The following CACNA1C variants were observed in gnomAD, a reference collection of about 807,000 sequenced individuals.
The protein encoded by CACNA1C is voltage-dependent L-type calcium channel subunit alpha-1C.
In CACNA1C, 30 loss-of-function variants were observed where a neutral mutation model predicts 229.0. The observed-to-expected ratio is 0.13, with a 90% CI of 0.10 to 0.18. The LOEUF (loss-of-function observed/expected upper bound fraction) is 0.18. CACNA1C is among the 10% of genes least tolerant of loss of function. The pLI is 1.00. For synonymous variants in CACNA1C, 1,114 were observed against 1,132.5 expected, an observed-to-expected ratio of 0.98 and a Z score of 0.33; for missense variants, 1,658 against 2,845.0, an observed-to-expected ratio of 0.58 and a Z score of 9.49.
chr12:2,609,103 C>G (rs889255677), intron 27 of CACNA1C, among the ~76,000 whole-genome samples: 1 of 152,146 alleles, frequency 6.6e-6, no homozygotes, highest in South Asian at 2.1e-4. Flanking sequence ...GGGAACAGAA[C>G]GGCTTCAGGA....
At chr12:2,085,355 ATCTG>A (rs750543150) in intron 1 of CACNA1C, among the ~76,000 whole-genome samples, 2 of 152,224 alleles carry the variant, frequency 1.3e-5, no homozygotes, top group Non-Finnish European at 2.9e-5. Context: ...CAGCCCAGAT[ATCTG>A]TCTCTTTTAC....
intron 3 of CACNA1C, among the ~76,000 whole-genome samples, chr12:2,351,443 G>A (rs1316041618): frequency 1.3e-5 from 2 of 152,236 alleles, no homozygotes; most frequent in Admixed American, 6.5e-5. Context: ...ACAAGGCAGC[G>A]GTCCCCAAGG....
intron 1 of CACNA1C, among the ~76,000 whole-genome samples, chr12:2,083,421 G>C (rs1434335107): frequency 6.6e-6 from 1 of 152,210 alleles, no homozygotes; most frequent in Non-Finnish European, 1.5e-5. Context: ...TCTCCCAGGG[G>C]TGTGCCAGAG....
At chr12:2,326,507 T>C (rs1424291920) in intron 3 of CACNA1C, among the ~76,000 whole-genome samples, 1 of 152,192 alleles carries the variant, frequency 6.6e-6, no homozygotes, top group Non-Finnish European at 1.5e-5. Flanking sequence ...CCAGGCTCCT[T>C]TCCCTGGTAA....
chr12:2,377,694 G>A (rs73607726), intron 3 of CACNA1C, among the ~76,000 whole-genome samples: 2,931 of 152,244 alleles, frequency 0.019, 91 homozygotes, highest in African/African-American at 0.064. Context: ...AAGGTGGGGC[G>A]TATTATCCCC....
At chr12:2,211,879 C>A (rs370414794) in intron 3 of CACNA1C, among the ~76,000 whole-genome samples, 2 of 151,976 alleles carry the variant, frequency 1.3e-5, no homozygotes, top group African/African-American at 2.4e-5. Flanking sequence ...CCACCACTCC[C>A]GGCTAATTTT....
At chr12:2,227,390 TCTATAC>T (rs1422906086) in intron 3 of CACNA1C, among the ~76,000 whole-genome samples, 4 of 152,340 alleles carry the variant, frequency 2.6e-5, no homozygotes, top group Non-Finnish European at 5.9e-5. Flanking sequence ...AGTTTGAATC[TCTATAC>T]CACCTTTGAC....
chr12:2,457,814 G>A (rs1250923318), intron 5 of CACNA1C, 108 bp downstream of exon 5: 22 of 1,029,556 alleles, frequency 2.1e-5, no homozygotes, highest in Non-Finnish European at 2.9e-5. Flanking sequence ...CCATATAAAT[G>A]GAGGGGTTTT....
chr12:2,012,436 G>C (rs140779311), intron 1 of CACNA1C, among the ~76,000 whole-genome samples: 40 of 152,346 alleles, frequency 2.6e-4, no homozygotes, highest in African/African-American at 8.9e-4. Flanking sequence ...CAGCAGAGTT[G>C]AGTAGTTGCA....
intron 1 of CACNA1C, among the ~76,000 whole-genome samples, chr12:2,113,390 C>T (rs1423238465): frequency 3.3e-5 from 5 of 152,090 alleles, no homozygotes; most frequent in Non-Finnish European, 2.9e-5. Flanking sequence ...GAAGGATCAG[C>T]CCAAGATAAG....
In CACNA1C at chr12:2,462,334, G is replaced by C. The variant is rs1388526880; in HGVS notation, c.757+4628G>C. Among the ~76,000 whole-genome samples, 138 of 72,272 alleles carry C rather than the reference G, an allele frequency of 1.9e-3. 2 individuals are homozygous for C. Among genetic ancestry groups the C allele is most frequent in the African/African-American group, 5.3e-3 (111 of 20,782 alleles). 47.4% of individuals were successfully genotyped at this position (72,272 alleles called of 152,430 possible). ...ACAGGCCTGCGCACCTCCTCGGCCC[G>C]CCCCTTGGCTCAGCTCTCTGCACAG... is the stretch of plus-strand genomic sequence containing the variant. On this transcript the variant is annotated intron_variant, in intron 5 of 46. Coordinates refer to ENST00000399655, the MANE Select transcript of CACNA1C (RefSeq NM_000719.7).
chr12:2,461,567 G>C (rs1490568009), intron 5 of CACNA1C, among the ~76,000 whole-genome samples: 2 of 152,014 alleles, frequency 1.3e-5, no homozygotes, highest in East Asian at 1.9e-4. Context: ...CCTCAGACTT[G>C]TATCCCTACC....
At chr12:2,688,352 A>T in intron 45 of CACNA1C, 95 bp from the exon 46 acceptor site, 1 of 1,155,302 alleles carries the variant, frequency 8.7e-7, no homozygotes, top group Non-Finnish European at 1.3e-6. Flanking sequence ...CTAGCTGGAC[A>T]CAGCAGCTGC....
chr12:2,070,835 TTTTC>T (rs1565497757), intron 1 of CACNA1C, among the ~76,000 whole-genome samples: 2 of 152,044 alleles, frequency 1.3e-5, no homozygotes, highest in East Asian at 1.9e-4. Context: ...CTTTCTTTTT[TTTTC>T]TTTCTTTCTC....
intron 4 of CACNA1C, among the ~76,000 whole-genome samples, chr12:2,452,556 C>T (rs1021732107): frequency 6.6e-6 from 1 of 152,180 alleles, no homozygotes; most frequent in Non-Finnish European, 1.5e-5. Context: ...TTCGGCCAGG[C>T]GTCCACACCA....
chr12:2,084,549 C>G (rs1298965367), intron 1 of CACNA1C, among the ~76,000 whole-genome samples: 2 of 152,216 alleles, frequency 1.3e-5, no homozygotes, highest in African/African-American at 4.8e-5. Context: ...ATTCCTCTCC[C>G]TCTTGCCCCA....
At chr12:2,259,949 G>T (rs1051600412) in intron 3 of CACNA1C, among the ~76,000 whole-genome samples, 3 of 152,086 alleles carry the variant, frequency 2.0e-5, no homozygotes, top group Non-Finnish European at 2.9e-5. Context: ...TGTGAGCTAA[G>T]TCCCGCTTTC....
chr12:2,421,947 G>A (rs2098983578), intron 3 of CACNA1C, among the ~76,000 whole-genome samples: 1 of 151,480 alleles, frequency 6.6e-6, no homozygotes, highest in South Asian at 2.1e-4. Flanking sequence ...TCTGTCTCTT[G>A]TCATGGCCAT....
At chr12:2,040,449 T>C (rs996659673) in intron 1 of CACNA1C, among the ~76,000 whole-genome samples, 5 of 152,162 alleles carry the variant, frequency 3.3e-5, no homozygotes, top group African/African-American at 9.7e-5. Context: ...ATGGATAAAA[T>C]TGTTGAGATT....
Sources: gnomAD v4.1 joint callset for allele counts (sites outside exome capture counted in the v4.1 genomes callset) on GRCh38, gnomAD v4.1.1 for gene constraint, MANE v1.5 for transcripts, NCBI Gene and HGNC (gene_info 2026-07-23, HGNC 2026-07-21) for gene names.